Variants in BICRA observed in about 807,000 individuals in gnomAD.
BICRA encodes the protein BRD4-interacting chromatin-remodeling complex-associated protein.
Under a neutral mutation model 96.9 loss-of-function variants are expected in BICRA, and 31 were observed. That is an observed-to-expected ratio of 0.32 (90% CI 0.24 to 0.43). BICRA has a LOEUF of 0.43. Ranked by LOEUF, BICRA falls within the 20% of genes least tolerant of loss-of-function variation. The probability of loss-of-function intolerance (pLI) is 1.00; values close to 1 mark genes in which losing one functional copy is unlikely to be tolerated. For synonymous variants in BICRA, 1,350 were observed against 1,071.8 expected (o/e 1.26, Z -5.07); for missense variants, 2,283 against 2,190.3 (o/e 1.04, Z -0.84).
At chr19:47,648,212 C>T (rs1186301140) in intron 1 of BICRA, among the ~76,000 whole-genome samples, 6 of 147,880 alleles carry the variant, frequency 4.1e-5, no homozygotes, top group Admixed American at 6.8e-5. Flanking sequence ...TCTCTGAGCC[C>T]GCAGTGGCTG....
rs1237300791 is a variant in BICRA at position 47,702,526 on chromosome 19, C to T, written c.*111C>T. ...AGCCGGGGATCCCCTGACGGTTTTTCTTGCCTAAGTTATTTGAGTCACAAA... is the reference window on the plus strand; with the variant it reads ...AGCCGGGGATCCCCTGACGGTTTTTTTTGCCTAAGTTATTTGAGTCACAAA... On this transcript the variant is annotated 3_prime_UTR_variant, in exon 15 of 15. Coordinates refer to ENST00000594866, the MANE Select transcript of BICRA (RefSeq NM_001394372.1). 2.4e-6 allele frequency: 3 copies of T among 1,265,946 alleles called. No homozygotes were observed. Among genetic ancestry groups the T allele is most frequent in the Middle Eastern group, 2.8e-4 (1 of 3,582 alleles). 78.4% of individuals were successfully genotyped at this position (1,265,946 alleles called of 1,614,324 possible). A position where few individuals can be genotyped will look rare whatever the true frequency, so the allele number is the denominator to read the frequency against.
At chr19:47,685,844 A>G (rs1489236930) in intron 7 of BICRA, among the ~76,000 whole-genome samples, 1 of 151,792 alleles carries the variant, frequency 6.6e-6, no homozygotes, top group Non-Finnish European at 1.5e-5. Flanking sequence ...AGAAATGCAA[A>G]GACTGTGTTC....
Position 47,702,124 on chromosome 19 carries a change from G to C in BICRA, c.4392G>C (p.Trp1464Cys). The C allele has an allele frequency of 1.3e-6, 2 of 1,530,450 alleles. No homozygotes were observed. Among genetic ancestry groups the C allele is most frequent in the Non-Finnish European group, 1.7e-6 (2 of 1,146,146 alleles). 94.8% of individuals were successfully genotyped at this position (1,530,450 alleles called of 1,614,324 possible). The change falls in exon 15 of 15, where the codon TGG (tryptophan) becomes TGC (cysteine). Residue 1464 changes from tryptophan to cysteine, a missense_variant. Physicochemically the swap from Trp to Cys is radical, Grantham distance 215. Transcript: ENST00000594866. ...SAAQGTGDPDWEAPGLPPAKR... is the reference protein window; with the variant it reads ...SAAQGTGDPDCEAPGLPPAKR... ...CCCAAGGCACCGGGGACCCCGACTG[G>C]GAGGCGCCCGGGCTGCCCCCTGCCA...
chr19:47,658,224 A>T (rs927919160), intron 1 of BICRA, among the ~76,000 whole-genome samples: 1 of 152,026 alleles, frequency 6.6e-6, no homozygotes, highest in Non-Finnish European at 1.5e-5. Flanking sequence ...GTTGACCAGG[A>T]TGTTGGGGCT....
Position 47,699,262 on chromosome 19 carries a change from C to T in BICRA, c.3493-41C>T. The T allele has an allele frequency of 8.2e-7, 1 of 1,212,788 alleles. No homozygotes were observed. The highest frequency in any genetic ancestry group is 1.2e-6 in the Non-Finnish European group (1 of 837,504). The allele number at this position is 1,212,788 out of a possible 1,614,324, so 75.1% of individuals were successfully genotyped here. ...CCGTCGCTCGCGCCCCTTCCCCCTT[C>T]TTGCTGGTTCACTCGCACGTCGTCT... On this transcript the variant is annotated intron_variant, in intron 13 of 14. Transcript: ENST00000594866. This position sits in a 1 kb window ranked among gnomAD's most constrained non-coding sequence, Gnocchi z 5.0.
chr19:47,623,395 A>C (rs1972093815), intron 1 of BICRA, among the ~76,000 whole-genome samples: 1 of 152,106 alleles, frequency 6.6e-6, no homozygotes, highest in African/African-American at 2.4e-5. Flanking sequence ...AATCCTCATG[A>C]GGGTCAGACC....
chr19:47,677,441 A>G (rs1199367329), intron 5 of BICRA, among the ~76,000 whole-genome samples: 1 of 152,220 alleles, frequency 6.6e-6, no homozygotes, highest in Non-Finnish European at 1.5e-5. Context: ...TCACGCCTGT[A>G]ATCCCAGCAC....
rs1971895259 is a variant in BICRA, at chr19:47,610,823, C to T, written c.-108+1655C>T. ...GGGGTATTGTCAACTCTGACCTGCC[C>T]TGGGTCATGAGAAAATGGGAAGACA... On this transcript the variant is annotated intron_variant, in intron 1 of 14. Coordinates refer to ENST00000594866, the MANE Select transcript of BICRA (RefSeq NM_001394372.1). Among the ~76,000 whole-genome samples, 4 of 152,092 alleles carry T rather than the reference C, an allele frequency of 2.6e-5. No homozygotes were observed. In the South Asian group the frequency reaches 8.3e-4, roughly 32 times the overall value.
chr19:47,639,564 C>T (rs183233225), intron 1 of BICRA, among the ~76,000 whole-genome samples: 39 of 150,636 alleles, frequency 2.6e-4, no homozygotes, highest in Non-Finnish European at 5.0e-4. Flanking sequence ...CTCCTGACCT[C>T]GTGATCGCCC....
intron 5 of BICRA, 50 bp from the exon 6 acceptor site, chr19:47,679,271 A>G: frequency 7.4e-7 from 1 of 1,359,274 alleles, no homozygotes; most frequent in Non-Finnish European, 9.6e-7. Context: ...GCCTAAGCGT[A>G]GCCCCTTGCT....
intron 11 of BICRA, among the ~76,000 whole-genome samples, chr19:47,697,420 T>A (rs73567874): frequency 0.039 from 5,910 of 152,046 alleles, 368 homozygotes; most frequent in African/African-American, 0.13. Flanking sequence ...AATTTTTTTT[T>A]ATATATATTG....
At chr19:47,616,325 C>T (rs1971983900) in intron 1 of BICRA, among the ~76,000 whole-genome samples, 6 of 152,172 alleles carry the variant, frequency 3.9e-5, no homozygotes, top group Admixed American at 3.9e-4. Flanking sequence ...CCTAGGCAAT[C>T]AGTGTTGGCA....
chr19:47,653,111 C>G (rs1972565300), intron 1 of BICRA, among the ~76,000 whole-genome samples: 1 of 151,046 alleles, frequency 6.6e-6, no homozygotes, highest in Admixed American at 6.6e-5. Flanking sequence ...CAACCTCCAC[C>G]TTCACTGGCT....
chr19:47,655,872 T>A (rs977708860), intron 1 of BICRA, among the ~76,000 whole-genome samples: 8 of 149,938 alleles, frequency 5.3e-5, no homozygotes, highest in South Asian at 4.3e-4. Flanking sequence ...AAAATAAAAA[T>A]AAAAATAAAA....
intron 1 of BICRA, among the ~76,000 whole-genome samples, chr19:47,619,232 CCT>C (rs2123507947): frequency 2.6e-5 from 1 of 38,912 alleles, no homozygotes; most frequent in East Asian, 4.7e-4. Context: ...TTTCCCAACC[CCT>C]TTTTTTTTTC....
chr19:47,679,373 C>T lies in BICRA; in HGVS notation c.203C>T (p.Pro68Leu). 1.0e-5 allele frequency: 15 copies of T among 1,433,676 alleles called. No homozygotes were observed. Among genetic ancestry groups the T allele is most frequent in the South Asian group, 1.5e-5 (1 of 65,428 alleles). The allele number at this position is 1,433,676 out of a possible 1,614,324, so 88.8% of individuals were successfully genotyped here. ...GNHLNPEPNQ[P>L]APSVDLDFLE... ...CACCTGAACCCAGAGCCCAACCAGC[C>T]GGCCCCCAGTGTGGACCTAGACTTC... The change falls in exon 6 of 15, where the codon CCG (proline) becomes CTG (leucine). Residue 68 changes from proline to leucine, a missense_variant. Transcript: ENST00000594866.
intron 7 of BICRA, among the ~76,000 whole-genome samples, chr19:47,682,445 C>G (rs1599852800): frequency 6.6e-6 from 1 of 152,294 alleles, no homozygotes; most frequent in East Asian, 1.9e-4. Flanking sequence ...AGATAATTCA[C>G]ATTTCAAACG....
chr19:47,669,647 C>T (rs780361059), intron 1 of BICRA, among the ~76,000 whole-genome samples: 2 of 151,804 alleles, frequency 1.3e-5, no homozygotes, highest in African/African-American at 4.8e-5. Flanking sequence ...TTAAATTATT[C>T]TTATTTTTAT....
In BICRA at chr19:47,694,026, A is replaced by G. The variant is rs905422542; in HGVS notation, c.2284-89A>G. The G allele has an allele frequency of 4.9e-6, 7 of 1,415,200 alleles. No homozygotes were observed. The African/African-American group carries it at 7.3e-5, about 15-fold the overall frequency. 87.7% of individuals were successfully genotyped at this position (1,415,200 alleles called of 1,614,324 possible). ...GCTAGGAAGGGGGCTTCTGGCGGGG[A>G]TGGCTGGGGACCCCAGTGTCTTGGG... On this transcript the variant is annotated intron_variant, in intron 7 of 14. Coordinates refer to ENST00000594866, the MANE Select transcript of BICRA (RefSeq NM_001394372.1).
Sources: gnomAD v4.1 joint callset for allele counts (sites outside exome capture counted in the v4.1 genomes callset) on GRCh38, gnomAD v4.1.1 for gene constraint, Gnocchi (gnomAD v3.1) non-coding constraint, MANE v1.5 for transcripts, NCBI Gene and HGNC (gene_info 2026-07-23, HGNC 2026-07-21) for gene names.